Variants in DPF3 observed in about 807,000 individuals in gnomAD.
DPF3 encodes the protein zinc finger protein DPF3.
Under a neutral mutation model 56.8 loss-of-function variants are expected in DPF3, and 18 were observed. The ratio of observed to expected loss-of-function variants is 0.32; its 90% CI spans 0.22 to 0.47. The LOEUF (loss-of-function observed/expected upper bound fraction) is 0.47. Among genes scored for constraint, DPF3 ranks in the 20% least tolerant of loss-of-function variants. The pLI is 1.00. For missense variants in DPF3, 403 were observed against 488.8 expected (o/e 0.82, Z 1.65); for synonymous variants, 188 against 180.2 (o/e 1.04, Z -0.35).
intron 1 of DPF3, among the ~76,000 whole-genome samples, chr14:72,802,184 A>G (rs1892919091): frequency 6.6e-6 from 1 of 152,158 alleles, no homozygotes; most frequent in African/African-American, 2.4e-5. Context: ...GAACACTACG[A>G]GACAAATGGG....
intron 3 of DPF3, among the ~76,000 whole-genome samples, chr14:72,737,948 G>T (rs1889964679): frequency 6.6e-6 from 1 of 151,778 alleles, no homozygotes; most frequent in African/African-American, 2.4e-5. Context: ...ATACAAACAT[G>T]CAGTTTTCTC....
chr14:72,638,298 A>G (rs1885442998), intron 8 of DPF3, among the ~76,000 whole-genome samples: 1 of 152,182 alleles, frequency 6.6e-6, no homozygotes, highest in Non-Finnish European at 1.5e-5. Flanking sequence ...CCAGAGCCCA[A>G]CATCAATTTT....
intron 1 of DPF3, among the ~76,000 whole-genome samples, chr14:72,800,102 A>AT (rs1042394928): frequency 1.1e-4 from 16 of 152,186 alleles, no homozygotes; most frequent in Non-Finnish European, 2.1e-4. Context: ...ACAGACTCTA[A>AT]TAAGGCTGAG....
intron 2 of DPF3, among the ~76,000 whole-genome samples, chr14:72,764,220 A>C (rs1353944873): frequency 6.6e-6 from 1 of 152,184 alleles, no homozygotes. Flanking sequence ...CTAGTAGTTG[A>C]GCTAGTCACT....
chr14:72,704,865 G>A (rs753221594), intron 6 of DPF3, among the ~76,000 whole-genome samples: 7 of 151,984 alleles, frequency 4.6e-5, no homozygotes, highest in Non-Finnish European at 1.0e-4. Context: ...CATCTGCCCC[G>A]TCTATTTCAC....
chr14:72,778,190 C>T (rs1204463066), intron 1 of DPF3, among the ~76,000 whole-genome samples: 1 of 152,174 alleles, frequency 6.6e-6, no homozygotes, highest in Non-Finnish European at 1.5e-5. Flanking sequence ...GCCAGGGGTC[C>T]CAAACCCCTG....
At chr14:72,664,342 A>G (rs1274222107) in intron 8 of DPF3, among the ~76,000 whole-genome samples, 2 of 151,898 alleles carry the variant, frequency 1.3e-5, no homozygotes, top group South Asian at 2.1e-4. Context: ...CCCAACACAC[A>G]CACACATGTA....
At chr14:72,680,256 A>G (rs1887104354) in intron 7 of DPF3, among the ~76,000 whole-genome samples, 1 of 152,108 alleles carries the variant, frequency 6.6e-6, no homozygotes, top group Non-Finnish European at 1.5e-5. Context: ...ACCTTTTTTC[A>G]CTGCTTCCCT....
At chr14:72,793,534 A>G (rs982179396) in intron 1 of DPF3, among the ~76,000 whole-genome samples, 1 of 152,222 alleles carries the variant, frequency 6.6e-6, no homozygotes, top group Non-Finnish European at 1.5e-5. Context: ...CTTCATGCTA[A>G]GTTTATCTCC....
chr14:72,695,926 A>T (rs1272223055), intron 6 of DPF3, among the ~76,000 whole-genome samples: 1 of 152,194 alleles, frequency 6.6e-6, no homozygotes, highest in African/African-American at 2.4e-5. Flanking sequence ...TAAAAAAAAT[A>T]AAATTAAAAT....
chr14:72,892,527 G>T, intron 1 of DPF3: 1 of 1,391,866 alleles, frequency 7.2e-7, no homozygotes, highest in Non-Finnish European at 9.3e-7. Context: ...TCTGATGGGC[G>T]ACGAGCTGGC....
chr14:72,684,462 A>G (rs2526921), intron 7 of DPF3, among the ~76,000 whole-genome samples: 12,562 of 151,956 alleles, frequency 0.083, 1,204 homozygotes, highest in African/African-American at 0.23. Flanking sequence ...AAGGAAAACC[A>G]AGAGGCAAGG....
chr14:72,718,953 G>C (rs1889053900), intron 5 of DPF3, among the ~76,000 whole-genome samples: 1 of 151,406 alleles, frequency 6.6e-6, no homozygotes, highest in Non-Finnish European at 1.5e-5. Context: ...CATATTTTTA[G>C]TAGAGACGGG....
At chr14:72,684,757 T>C (rs1887332823) in intron 7 of DPF3, among the ~76,000 whole-genome samples, 2 of 152,150 alleles carry the variant, frequency 1.3e-5, no homozygotes, top group African/African-American at 4.8e-5. Flanking sequence ...GTGCCTACTA[T>C]GGACTGAAGT....
intron 1 of DPF3, among the ~76,000 whole-genome samples, chr14:72,890,833 A>G (rs1886723063): frequency 6.6e-6 from 1 of 152,190 alleles, no homozygotes; most frequent in Admixed American, 6.5e-5. Context: ...TGATCTGATC[A>G]GTGCAGGCGG....
intron 6 of DPF3, among the ~76,000 whole-genome samples, chr14:72,708,489 G>A (rs1431066433): frequency 2.6e-5 from 4 of 152,118 alleles, no homozygotes; most frequent in Admixed American, 6.5e-5. Flanking sequence ...TCCCTTCCGC[G>A]ACAAAGGCAG....
intron 9 of DPF3, among the ~76,000 whole-genome samples, chr14:72,624,535 C>T (rs1884698265): frequency 6.6e-6 from 1 of 152,058 alleles, no homozygotes. Flanking sequence ...GACAGGGCTT[C>T]ACCAAGTTGG....
rs867150646 is a variant in DPF3 at position 72,698,902 on chromosome 14, C to A, written c.605-5689G>T. Among the ~76,000 whole-genome samples, 4 of 152,288 alleles carry A rather than the reference C, an allele frequency of 2.6e-5. No homozygotes were observed. The Middle Eastern group carries it at 0.01, about 388-fold the overall frequency. On this transcript the variant is annotated intron_variant, in intron 6 of 10. Coordinates refer to ENST00000556509, the MANE Select transcript of DPF3 (RefSeq NM_001280542.3). ...CAGTGCTGTGTCCCGATGACCAGCACAGGGCCTCACTTGTGGCAGGTGCTC... is the reference window on the plus strand; with the variant it reads ...CAGTGCTGTGTCCCGATGACCAGCAAAGGGCCTCACTTGTGGCAGGTGCTC...
chr14:72,782,741 G>A (rs1278151977), intron 1 of DPF3, among the ~76,000 whole-genome samples: 2 of 152,092 alleles, frequency 1.3e-5, no homozygotes, highest in African/African-American at 2.4e-5. Flanking sequence ...GCTGAGGCGG[G>A]AGAATCACTT....
Sources: allele counts gnomAD v4.1 joint callset (sites outside exome capture counted in the v4.1 genomes callset), GRCh38; gene constraint gnomAD v4.1.1; transcripts MANE v1.5; gene names NCBI Gene and HGNC (gene_info 2026-07-23, HGNC 2026-07-21).